The following IQSEC1 variants were observed in gnomAD, a reference collection of about 807,000 sequenced individuals.
IQSEC1 encodes IQ motif and Sec7 domain ArfGEF 1.
A neutral mutation model predicts 91.0 loss-of-function variants in IQSEC1; 31 were observed. That is an observed-to-expected ratio of 0.34 (90% CI 0.26 to 0.46). The LOEUF is 0.46. Ranked by LOEUF, IQSEC1 falls within the 20% of genes least tolerant of loss-of-function variation. The probability of loss-of-function intolerance (pLI) is 1.00; values close to 1 mark genes in which losing one functional copy is unlikely to be tolerated. For missense variants in IQSEC1, 1,388 were observed against 1,575.6 expected, an observed-to-expected ratio of 0.88 and a Z score of 2.02; for synonymous variants, 699 against 662.6, an observed-to-expected ratio of 1.05 and a Z score of -0.84.
rs534899729 is a variant in IQSEC1, at chr3:13,190,827, G to A, written c.273-26694C>T. ...AGAGTACAGGTAAATACACTGAAAG[G>A]AGAAAAGTCCCAGAGCAGTCCCCAA... On this transcript the variant is annotated intron_variant, in intron 1 of 15. Transcript: ENST00000648114. Among the ~76,000 whole-genome samples the A allele has an allele frequency of 1.1e-4, 16 of 152,294 alleles. No homozygotes were observed. In the South Asian group the frequency reaches 3.3e-3, roughly 32 times the overall value.
chr3:12,965,997 G>C (rs527626248), intron 1 of IQSEC1, among the ~76,000 whole-genome samples: 21 of 152,194 alleles, frequency 1.4e-4, no homozygotes, highest in Non-Finnish European at 2.6e-4. Context: ...AAGACTGAAT[G>C]CTCAGCCTCG....
intron 2 of IQSEC1, among the ~76,000 whole-genome samples, chr3:13,110,308 C>T (rs887015396): frequency 6.6e-6 from 1 of 151,842 alleles, no homozygotes; most frequent in Non-Finnish European, 1.5e-5. Flanking sequence ...TAAAGAAACC[C>T]GGCCGGGCGC....
At chr3:13,238,077 C>T (rs1167260353) in intron 1 of IQSEC1, among the ~76,000 whole-genome samples, 3 of 152,212 alleles carry the variant, frequency 2.0e-5, no homozygotes, top group South Asian at 2.1e-4. Flanking sequence ...AACGCATGGT[C>T]GGGCAGGCCT....
At chr3:12,915,859 G>A in intron 6 of IQSEC1, 126 bp from the exon 7 acceptor site, 1 of 1,087,778 alleles carries the variant, frequency 9.2e-7, no homozygotes, top group Non-Finnish European at 1.3e-6. Flanking sequence ...TCCCAGGCAG[G>A]CCCACAGCAA....
At chr3:13,149,548 G>A (rs920849367) in intron 2 of IQSEC1, among the ~76,000 whole-genome samples, 2 of 152,214 alleles carry the variant, frequency 1.3e-5, no homozygotes, top group East Asian at 1.9e-4. Flanking sequence ...GGGGGAGGAC[G>A]CAGCCTGTCA....
intron 2 of IQSEC1, among the ~76,000 whole-genome samples, chr3:13,143,576 C>G (rs963650080): frequency 6.6e-6 from 1 of 152,226 alleles, no homozygotes; most frequent in East Asian, 1.9e-4. Flanking sequence ...CTCGGCCTGA[C>G]CAATCAGCAG....
intron 1 of IQSEC1, among the ~76,000 whole-genome samples, chr3:13,225,362 T>C (rs1041128341): frequency 6.6e-6 from 1 of 152,208 alleles, no homozygotes; most frequent in African/African-American, 2.4e-5. Flanking sequence ...GATGGAACAG[T>C]GTTTTACCAG....
chr3:12,971,223 G>A (rs1038492971), intron 1 of IQSEC1, among the ~76,000 whole-genome samples: 6 of 152,162 alleles, frequency 3.9e-5, no homozygotes, highest in African/African-American at 1.2e-4. Flanking sequence ...AACCCCCTGC[G>A]TGTTCAGCCA....
chr3:13,226,646 G>A (rs2125082690), intron 1 of IQSEC1, among the ~76,000 whole-genome samples: 1 of 151,958 alleles, frequency 6.6e-6, no homozygotes, highest in African/African-American at 2.4e-5. Flanking sequence ...GTGGGCACGT[G>A]GCAGCTGCTG....
chr3:13,258,844 C>T (rs1343352635), intron 1 of IQSEC1, among the ~76,000 whole-genome samples: 5 of 152,172 alleles, frequency 3.3e-5, no homozygotes, highest in African/African-American at 1.2e-4. Flanking sequence ...CAGGGGCTGG[C>T]ACCAGTAACC....
At chr3:13,036,639 G>T (rs933115764) in intron 1 of IQSEC1, among the ~76,000 whole-genome samples, 1 of 152,106 alleles carries the variant, frequency 6.6e-6, no homozygotes, top group Non-Finnish European at 1.5e-5. Context: ...GCGGTGTGGG[G>T]GGTGCCCGAC....
At chr3:12,937,493 G>T (rs985956252) in intron 2 of IQSEC1, among the ~76,000 whole-genome samples, 1 of 152,256 alleles carries the variant, frequency 6.6e-6, no homozygotes, top group Non-Finnish European at 1.5e-5. Context: ...AGGGAGACCT[G>T]TGGGGTTTGC....
chr3:13,210,380 C>T (rs867184646), intron 1 of IQSEC1, among the ~76,000 whole-genome samples: 2 of 152,106 alleles, frequency 1.3e-5, no homozygotes, highest in African/African-American at 4.8e-5. Flanking sequence ...GAATGTTTCA[C>T]GCAGCTGGCA....
chr3:13,039,876 C>T (rs1235173618), intron 1 of IQSEC1, among the ~76,000 whole-genome samples: 2 of 152,238 alleles, frequency 1.3e-5, no homozygotes, highest in Non-Finnish European at 2.9e-5. Flanking sequence ...ATGCAGCCTC[C>T]ACAGCTGGAT....
chr3:12,914,365 C>T (rs1422367929), intron 8 of IQSEC1, among the ~76,000 whole-genome samples: 1 of 152,178 alleles, frequency 6.6e-6, no homozygotes, highest in African/African-American at 2.4e-5. Flanking sequence ...GTGGGATCCC[C>T]GGGATCACCG....
At chr3:12,937,179 C>G (rs867420527) in intron 2 of IQSEC1, among the ~76,000 whole-genome samples, 3 of 152,110 alleles carry the variant, frequency 2.0e-5, no homozygotes, top group African/African-American at 7.2e-5. Context: ...GTGATCCACC[C>G]GCCTCGCCCT....
chr3:13,268,651 G>T (rs1695540137), intron 1 of IQSEC1, among the ~76,000 whole-genome samples: 1 of 152,224 alleles, frequency 6.6e-6, no homozygotes. Context: ...TAAATAATAA[G>T]TGCAAATACA....
Position 12,922,192 on chromosome 3 carries a change from AGG to A in IQSEC1, c.1779_1780del (p.Leu594GlnfsTer85), listed in dbSNP as rs1379251398. 1 of 1,609,576 alleles carries A rather than the reference AGG, an allele frequency of 6.2e-7. No homozygotes were observed. The highest frequency in any genetic ancestry group is 8.5e-7 in the Non-Finnish European group (1 of 1,177,216). On this transcript the variant is annotated frameshift_variant, in exon 5 of 14. Coordinates refer to ENST00000613206, the MANE Select transcript of IQSEC1 (RefSeq NM_001134382.3). LOFTEE classifies it high-confidence loss of function. The surrounding 1 kb of genome is among the most constrained non-coding windows in gnomAD (Gnocchi z 5.1). ...ACGGATGTGCGCCTGGAATTTCCTGAGGGCCTCATCCAGCTCCATGGTAGAGA... is the reference window on the plus strand; with the variant it reads ...ACGGATGTGCGCCTGGAATTTCCTGAGCCTCATCCAGCTCCATGGTAGAGA...
intron 2 of IQSEC1, among the ~76,000 whole-genome samples, chr3:13,156,324 A>G (rs2124971218): frequency 6.6e-6 from 1 of 152,384 alleles, no homozygotes; most frequent in East Asian, 1.9e-4. Context: ...TGAAGACCAT[A>G]TACAAAAAAT....
Sources: gnomAD v4.1 joint callset for allele counts (sites outside exome capture counted in the v4.1 genomes callset) on GRCh38, gnomAD v4.1.1 for gene constraint, Gnocchi (gnomAD v3.1) non-coding constraint, MANE v1.5 for transcripts, NCBI Gene and HGNC (gene_info 2026-07-23, HGNC 2026-07-21) for gene names.